The following ATP10B variants were observed in gnomAD, a reference collection of about 807,000 sequenced individuals.
ATP10B encodes phospholipid-transporting ATPase VB.
In ATP10B, 122 loss-of-function variants were observed where a neutral mutation model predicts 141.2. The ratio of observed to expected loss-of-function variants is 0.86; its 90% CI spans 0.75 to 1.00. The LOEUF (loss-of-function observed/expected upper bound fraction) is 1.00. Ranked by LOEUF, ATP10B falls within the 50% of genes least tolerant of loss-of-function variation. ATP10B has a pLI of 0.00. For missense variants in ATP10B, 1,876 were observed against 1,825.3 expected, an observed-to-expected ratio of 1.03 and a Z score of -0.51; for synonymous variants, 685 against 692.0, an observed-to-expected ratio of 0.99 and a Z score of 0.16.
chr5:160,854,272 A>G (rs1753943888), upstream of ATP10B, among the ~76,000 whole-genome samples: 1 of 151,998 alleles, frequency 6.6e-6, no homozygotes, highest in South Asian at 2.1e-4. Flanking sequence ...GGTTTGCTGC[A>G]CCCATCAACC....
intron 24 of ATP10B, among the ~76,000 whole-genome samples, chr5:160,587,651 T>G (rs1341712060): frequency 6.6e-6 from 1 of 152,200 alleles, no homozygotes. Flanking sequence ...TCACTTCCAT[T>G]GTTAGCTGTA....
intron 1 of ATP10B, among the ~76,000 whole-genome samples, chr5:160,816,587 G>C (rs914935467): frequency 1.3e-5 from 2 of 152,180 alleles, no homozygotes; most frequent in Admixed American, 6.5e-5. Flanking sequence ...GGAGGGGCTG[G>C]TACCATACTT....
chr5:160,592,586 A>C (rs1482177190), intron 22 of ATP10B, among the ~76,000 whole-genome samples: 1 of 152,246 alleles, frequency 6.6e-6, no homozygotes, highest in Non-Finnish European at 1.5e-5. Flanking sequence ...GCAGTGCACC[A>C]TGCACGAGCC....
chr5:160,778,207 G>A (rs1770474757), intron 2 of ATP10B, among the ~76,000 whole-genome samples: 1 of 152,176 alleles, frequency 6.6e-6, no homozygotes, highest in Non-Finnish European at 1.5e-5. Flanking sequence ...ATAATAAATA[G>A]TTCTTCATAA....
chr5:160,659,464 CAAATAAAAACAA>C (rs1761753425), intron 7 of ATP10B, among the ~76,000 whole-genome samples: 1 of 149,932 alleles, frequency 6.7e-6, no homozygotes, highest in African/African-American at 2.5e-5. Context: ...GGCTCCGTCT[CAAATAAAAACAA>C]AAACAAAAAC....
At chr5:160,742,321 C>A (rs1767534010) in intron 2 of ATP10B, among the ~76,000 whole-genome samples, 1 of 152,106 alleles carries the variant, frequency 6.6e-6, no homozygotes, top group African/African-American at 2.4e-5. Flanking sequence ...TGCTGTTACT[C>A]ACATCCTTCA....
chr5:160,619,478 G>A (rs530281495), intron 15 of ATP10B, among the ~76,000 whole-genome samples: 1 of 152,298 alleles, frequency 6.6e-6, no homozygotes, highest in South Asian at 2.1e-4. Context: ...TCACTTGTCT[G>A]CCAGAGTCTG....
chr5:160,755,780 A>T (rs1434330038), intron 2 of ATP10B, among the ~76,000 whole-genome samples: 1 of 134,058 alleles, frequency 7.5e-6, no homozygotes, highest in Non-Finnish European at 1.6e-5. Context: ...CCGCCACTGC[A>T]CTCCAGCCTG....
At chr5:160,572,718 TAG>T (rs944891043) in intron 24 of ATP10B, among the ~76,000 whole-genome samples, 3 of 152,210 alleles carry the variant, frequency 2.0e-5, no homozygotes, top group Non-Finnish European at 4.4e-5. Context: ...AAGAGAGTCA[TAG>T]AGAGGAGAAT....
intron 24 of ATP10B, among the ~76,000 whole-genome samples, chr5:160,576,720 G>A (rs1429149488): frequency 6.6e-6 from 1 of 152,180 alleles, no homozygotes; most frequent in African/African-American, 2.4e-5. Context: ...CAAATGCAGA[G>A]GCCTAGAAGC....
At chr5:160,689,804 G>A (rs147722283) in intron 3 of ATP10B, among the ~76,000 whole-genome samples, 363 of 152,256 alleles carry the variant, frequency 2.4e-3, no homozygotes, top group African/African-American at 8.3e-3. Context: ...TAGATTCAAT[G>A]CTATACCCAT....
chr5:160,731,315 C>T (rs963432489), intron 2 of ATP10B, among the ~76,000 whole-genome samples: 1 of 152,168 alleles, frequency 6.6e-6, no homozygotes, highest in South Asian at 2.1e-4. Context: ...TAATGATCAG[C>T]CATGCTGTAC....
At chr5:160,853,489 T>C (rs1182546762), upstream of ATP10B, among the ~76,000 whole-genome samples, 3 of 152,196 alleles carry the variant, frequency 2.0e-5, no homozygotes, top group Admixed American at 1.3e-4. Flanking sequence ...TCAAACCACA[T>C]TGTCTTTCTC....
chr5:160,856,134 T>C (rs1409412703), upstream of ATP10B, among the ~76,000 whole-genome samples: 1 of 151,910 alleles, frequency 6.6e-6, no homozygotes, highest in Non-Finnish European at 1.5e-5. Context: ...TTGATAGTGA[T>C]TGTATTAAAT....
the ATP10B span, among the ~76,000 whole-genome samples, chr5:160,903,627 A>G: frequency 6.6e-6 from 1 of 152,066 alleles, no homozygotes; most frequent in Non-Finnish European, 1.5e-5. Flanking sequence ...TTTTACTATC[A>G]TTTTTCCATT....
chr5:160,737,316 T>C (rs561216212), intron 2 of ATP10B, among the ~76,000 whole-genome samples: 94 of 152,312 alleles, frequency 6.2e-4, no homozygotes, highest in African/African-American at 2.0e-3. Context: ...AGGGAAAAAC[T>C]GAAAGCCTTT....
intron 3 of ATP10B, chr5:160,692,891 C>T (rs1014061601): frequency 2.0e-5 from 3 of 152,218 alleles, no homozygotes; most frequent in African/African-American, 7.2e-5. Flanking sequence ...TCTCCTGCAA[C>T]TTGACATCTT....
intron 14 of ATP10B, 43 bp from the exon 15 acceptor site, chr5:160,620,993 G>C (rs1370846111): frequency 3.8e-6 from 6 of 1,561,248 alleles, no homozygotes; most frequent in African/African-American, 1.4e-5. Flanking sequence ...TCTCAATGTT[G>C]GAAATAATAC....
intron 3 of ATP10B, among the ~76,000 whole-genome samples, chr5:160,695,986 G>T (rs960221734): frequency 1.3e-5 from 2 of 152,124 alleles, no homozygotes; most frequent in Admixed American, 6.5e-5. Context: ...AAATCAATAA[G>T]TATATCAGTT....
Sources: gnomAD v4.1 joint callset for allele counts (sites outside exome capture counted in the v4.1 genomes callset) on GRCh38, gnomAD v4.1.1 for gene constraint, MANE v1.5 for transcripts, NCBI Gene and HGNC (gene_info 2026-07-23, HGNC 2026-07-21) for gene names.